PHC1: variants seen among roughly 807,000 people sequenced by gnomAD.
The protein encoded by PHC1 is polyhomeotic-like protein 1.
Under a neutral mutation model 104.3 loss-of-function variants are expected in PHC1, and 12 were observed. The observed-to-expected ratio is 0.12, with a 90% CI of 0.07 to 0.19. PHC1 has a LOEUF of 0.19. Ranked by LOEUF, PHC1 falls within the 10% of genes least tolerant of loss-of-function variation. The pLI is 1.00. For synonymous variants in PHC1, 302 were observed against 455.8 expected, an observed-to-expected ratio of 0.66 and a Z score of 4.30; for missense variants, 671 against 1,200.0, an observed-to-expected ratio of 0.56 and a Z score of 6.51.
chr12:8,917,806 T>G lies in PHC1; in HGVS notation c.114+15T>G. On this transcript the variant is annotated intron_variant, in intron 2 of 14. Transcript: ENST00000544916. ...AAGCAGTGCAGGTGAGACTCAGCTC[T>G]GAGGGGCCATGGTCTGTGAGTCTTG... 7.0e-5 allele frequency: 92 copies of G among 1,312,766 alleles called. No homozygotes were observed. Among genetic ancestry groups the G allele is most frequent in the Middle Eastern group, 1.8e-4 (1 of 5,474 alleles). The allele number at this position is 1,312,766 out of a possible 1,614,324, so 81.3% of individuals were successfully genotyped here.
intron 2 of PHC1, 23 bp downstream of exon 2, chr12:8,917,814 C>G (rs1054491988): frequency 7.9e-7 from 1 of 1,269,934 alleles, no homozygotes; most frequent in Admixed American, 2.0e-5. Flanking sequence ...TCTGAGGGGC[C>G]ATGGTCTGTG....
chr12:8,923,988 G>C (rs1945444222), intron 6 of PHC1, among the ~76,000 whole-genome samples: 1 of 152,170 alleles, frequency 6.6e-6, no homozygotes, highest in African/African-American at 2.4e-5. Flanking sequence ...TAAAGTGTAT[G>C]GGAAGATGTG....
chr12:8,935,605 C>T (rs1008527651), intron 11 of PHC1, among the ~76,000 whole-genome samples: 17 of 151,602 alleles, frequency 1.1e-4, no homozygotes, highest in East Asian at 3.9e-4. Flanking sequence ...CCAGCCTGGG[C>T]GACAGAGCGA....
chr12:8,927,585 T>A (rs1162190315), intron 6 of PHC1, among the ~76,000 whole-genome samples: 1 of 152,152 alleles, frequency 6.6e-6, no homozygotes, highest in Non-Finnish European at 1.5e-5. Context: ...AATGCTCATA[T>A]AATGGTTTTT....
At position 8,921,894 on chromosome 12, in the gene PHC1, G is replaced by C. The variant is rs140708612; in HGVS notation, c.456+144G>C. The stretch of plus-strand genomic sequence containing the variant: ...AGTGGCACAATAATGGCTCACTGCA[G>C]CCTCTGCCTCCCAGGTTCCAGCGAT... On this transcript the variant is annotated intron_variant, in intron 5 of 14. Coordinates refer to ENST00000544916, the MANE Select transcript of PHC1 (RefSeq NM_004426.3). The C allele has an allele frequency of 3.4e-3, 2,507 of 727,426 alleles. 47 individuals carry two copies. The African/African-American group carries it at 0.038, about 11-fold the overall frequency. 45.1% of individuals were successfully genotyped at this position (727,426 alleles called of 1,614,324 possible). A position where few individuals can be genotyped will look rare whatever the true frequency, so the allele number is the denominator to read the frequency against.
rs1172471784 is a variant in PHC1 at position 8,917,744 on chromosome 12, C to T, written c.67C>T (p.Arg23Trp). 3.2e-6 allele frequency: 5 copies of T among 1,577,054 alleles called. No individual in the cohort carries two copies. Among genetic ancestry groups the T allele is most frequent in the East Asian group, 4.9e-5 (2 of 40,776 alleles). The change falls in exon 2 of 15, where the codon CGG (arginine) becomes TGG (tryptophan). Residue 23 changes from arginine (R) to tryptophan (W), a missense_variant. Physicochemically the swap from Arg to Trp is moderately radical, Grantham distance 101 (BLOSUM62 -3). Around this residue, in one of 9 missense-constraint regions of PHC1, gnomAD observed 237 missense variants for 331.1 expected, o/e 0.72. Transcript: ENST00000544916. ...GAGTTCTAGCTCAGGGGGCAGCTCT[C>T]GGCCCCAGATAGCTCAAATGTCACT... ...NGSSSSGGSS[R>W]PQIAQMSLYE...
Position 8,917,686 on chromosome 12 carries a change from T to A in PHC1, c.9T>A (p.Thr3=). 1 of 1,551,490 alleles carries A rather than the reference T, an allele frequency of 6.4e-7. No homozygotes were observed. Among genetic ancestry groups the A allele is most frequent in the Non-Finnish European group, 8.7e-7 (1 of 1,150,214 alleles). The stretch of plus-strand genomic sequence containing the variant: ...GACCCTGGACCACTATCATGGAGAC[T>A]GAGAGCGAGCAGAACTCCAATTCCA... ME[T]ESEQNSNSTN... is the part of the protein sequence containing the mutation. Residue 3 remains threonine (T), a synonymous_variant, in exon 2 of 15, where the codon ACT becomes ACA. Transcript: ENST00000544916.
intron 10 of PHC1, 113 bp downstream of exon 10, chr12:8,934,591 CAAT>C: frequency 1.5e-6 from 1 of 657,402 alleles, no homozygotes; most frequent in Non-Finnish European, 2.6e-6. Flanking sequence ...AAGAATGGTT[CAAT>C]TACGCTATTT....
intron 6 of PHC1, among the ~76,000 whole-genome samples, chr12:8,928,355 G>C (rs184006298): frequency 2.0e-5 from 3 of 151,890 alleles, no homozygotes; most frequent in Admixed American, 2.0e-4. Context: ...CGTACTTCTG[G>C]TACACAGAAT....
rs570898112 is a variant in PHC1, at chr12:8,918,230, A to G, written c.114+439A>G. 9.2e-5 allele frequency among the ~76,000 whole-genome samples: 14 copies of G among 152,354 alleles called. No homozygotes were observed. In the South Asian group the frequency reaches 1.7e-3, roughly 18 times the overall value. ...ATTTTGGTTACTAGAATAACTATACATATCATAAAAATAGTTCTAATTATT... is the reference window on the plus strand; with the variant it reads ...ATTTTGGTTACTAGAATAACTATACGTATCATAAAAATAGTTCTAATTATT... On this transcript the variant is annotated intron_variant, in intron 2 of 14. Transcript: ENST00000544916.
At chr12:8,920,335 A>G (rs1290572907) in intron 3 of PHC1, among the ~76,000 whole-genome samples, 2 of 152,242 alleles carry the variant, frequency 1.3e-5, no homozygotes. Flanking sequence ...GTAGAAAATT[A>G]TAAATGTGGT....
chr12:8,918,854 T>C (rs778365509), intron 2 of PHC1, among the ~76,000 whole-genome samples: 1 of 152,302 alleles, frequency 6.6e-6, no homozygotes, highest in East Asian at 1.9e-4. Flanking sequence ...TTGGACGATT[T>C]TGTAATTGCG....
intron 5 of PHC1, among the ~76,000 whole-genome samples, chr12:8,922,002 C>T (rs146606145): frequency 3.0e-4 from 45 of 152,236 alleles, no homozygotes; most frequent in African/African-American, 9.9e-4. Flanking sequence ...TTAGTAGAGA[C>T]GGGGTTTCAC....
At chr12:8,924,828 G>A (rs1945471899) in intron 6 of PHC1, among the ~76,000 whole-genome samples, 1 of 152,168 alleles carries the variant, frequency 6.6e-6, no homozygotes, top group Admixed American at 6.5e-5. Context: ...TTGAACAGCA[G>A]ATTAACAAGA....
intron 11 of PHC1, 42 bp downstream of exon 11, chr12:8,935,280 G>C (rs182055973): frequency 6.6e-6 from 7 of 1,054,110 alleles, no homozygotes; most frequent in Admixed American, 2.1e-5. Context: ...AAGGAGACTC[G>C]TGGAGATGTG....
rs537661569 is a variant in PHC1, at chr12:8,924,304, C to G, written c.612+1516C>G. Among the ~76,000 whole-genome samples the G allele has an allele frequency of 2.1e-4, 32 of 152,154 alleles. 1 individual carries two copies. The South Asian group carries it at 4.2e-3, about 20-fold the overall frequency. ...CCAGCCTGACCAATATGGTGAAACCCTGTCTCTACTAAAAATACAAAAATT... is the reference window on the plus strand; with the variant it reads ...CCAGCCTGACCAATATGGTGAAACCGTGTCTCTACTAAAAATACAAAAATT... On this transcript the variant is annotated intron_variant, in intron 6 of 14. Coordinates refer to ENST00000544916, the MANE Select transcript of PHC1 (RefSeq NM_004426.3).
rs1026073436 is a variant in PHC1, at chr12:8,939,986, G to C, written c.*527G>C. 4.8e-6 allele frequency: 2 copies of C among 417,428 alleles called. No individual in the cohort carries two copies. The highest frequency in any genetic ancestry group is 1.7e-5 in the South Asian group (1 of 57,280). The allele number at this position is 417,428 out of a possible 1,614,324, so 25.9% of individuals were successfully genotyped here. ...TGTTGTCACTTACTCCCTTGTGATT[G>C]AATTTTTTCTCCTGCATCCATGGCA... On this transcript the variant is annotated 3_prime_UTR_variant, in exon 15 of 15. Coordinates refer to ENST00000544916, the MANE Select transcript of PHC1 (RefSeq NM_004426.3).
intron 6 of PHC1, among the ~76,000 whole-genome samples, chr12:8,929,982 C>T (rs1945635035): frequency 1.3e-5 from 2 of 152,188 alleles, no homozygotes; most frequent in Non-Finnish European, 2.9e-5. Flanking sequence ...TCTCTGTACT[C>T]CTATGGTACT....
chr12:8,934,613 A>G (rs1945782450), intron 10 of PHC1, 135 bp downstream of exon 10: 3 of 624,388 alleles, frequency 4.8e-6, no homozygotes, highest in Non-Finnish European at 8.1e-6. Flanking sequence ...TTATTTAATT[A>G]TAAAGAAGGA....
Sources: allele counts gnomAD v4.1 joint callset (sites outside exome capture counted in the v4.1 genomes callset), GRCh38; gene constraint gnomAD v4.1.1; regional missense constraint gnomAD v4.1.1; transcripts MANE v1.5; gene names NCBI Gene and HGNC (gene_info 2026-07-23, HGNC 2026-07-21).